EPHA6: variants seen among roughly 807,000 people sequenced by gnomAD.
The protein encoded by EPHA6 is EPH receptor A6.
EPHA6 carries 50 observed loss-of-function variants against 112.0 expected under a neutral mutation model. The ratio of observed to expected loss-of-function variants is 0.45; its 90% CI spans 0.36 to 0.56. The LOEUF (loss-of-function observed/expected upper bound fraction) is 0.56, where lower values mean the gene tolerates loss of function less well. EPHA6 is among the 20% of genes least tolerant of loss of function. EPHA6 has a pLI of 0.00. For synonymous variants in EPHA6, 529 were observed against 490.7 expected, an observed-to-expected ratio of 1.08 and a Z score of -1.03; for missense variants, 1,280 against 1,417.4, an observed-to-expected ratio of 0.90 and a Z score of 1.56.
intron 7 of EPHA6, among the ~76,000 whole-genome samples, chr3:97,463,365 C>G (rs143493088): frequency 2.3e-4 from 35 of 152,168 alleles, no homozygotes; most frequent in Non-Finnish European, 4.0e-4. Context: ...ATCTGCATTT[C>G]TCTTCTTCCT....
intron 10 of EPHA6, among the ~76,000 whole-genome samples, chr3:97,493,893 G>A (rs948790600): frequency 6.6e-6 from 1 of 152,092 alleles, no homozygotes; most frequent in Non-Finnish European, 1.5e-5. Flanking sequence ...ACAGAGAGAG[G>A]AGCAATAGGT....
At chr3:97,020,528 G>A (rs2044419956) in intron 3 of EPHA6, among the ~76,000 whole-genome samples, 2 of 152,152 alleles carry the variant, frequency 1.3e-5, no homozygotes, top group Non-Finnish European at 1.5e-5. Flanking sequence ...GAGAGACAGA[G>A]CTATAGCAAT....
intron 6 of EPHA6, among the ~76,000 whole-genome samples, chr3:97,433,143 GGCCTGTTCTCTACAATTT>G (rs927054000): frequency 6.6e-6 from 1 of 152,124 alleles, no homozygotes; most frequent in Admixed American, 6.5e-5. Context: ...AAACTGGTTT[GGCCTGTTCTCTACAATTT>G]GCCTGTTCTC....
At chr3:97,716,659 T>C (rs948194618) in intron 14 of EPHA6, among the ~76,000 whole-genome samples, 1 of 151,788 alleles carries the variant, frequency 6.6e-6, no homozygotes, top group Admixed American at 6.6e-5. Flanking sequence ...ATGCAGTGCC[T>C]GAAGGACTTC....
At chr3:97,021,916 A>G (rs574559576) in intron 3 of EPHA6, among the ~76,000 whole-genome samples, 2 of 152,258 alleles carry the variant, frequency 1.3e-5, no homozygotes, top group East Asian at 3.9e-4. Flanking sequence ...GTTATTTCTA[A>G]TATCATTTCC....
chr3:96,895,534 T>G (rs1315210454), intron 2 of EPHA6, among the ~76,000 whole-genome samples: 4 of 152,290 alleles, frequency 2.6e-5, no homozygotes, highest in South Asian at 2.1e-4. Flanking sequence ...CAGGAATGTC[T>G]TAGGCCTTCA....
intron 2 of EPHA6, among the ~76,000 whole-genome samples, chr3:96,909,535 AAAGTAT>A (rs1430117560): frequency 1.3e-5 from 2 of 151,942 alleles, no homozygotes; most frequent in Non-Finnish European, 2.9e-5. Context: ...AATAAAAATA[AAAGTAT>A]ATGTCTGGAG....
intron 3 of EPHA6, among the ~76,000 whole-genome samples, chr3:97,080,332 C>G (rs59132063): frequency 0.056 from 8,483 of 151,072 alleles, 741 homozygotes; most frequent in African/African-American, 0.19. Context: ...GATATTGCAG[C>G]CATTTCATAT....
At chr3:97,609,629 A>G (rs2093703340) in intron 12 of EPHA6, among the ~76,000 whole-genome samples, 1 of 151,544 alleles carries the variant, frequency 6.6e-6, no homozygotes, top group African/African-American at 2.4e-5. Flanking sequence ...TATTTAAAAT[A>G]TAGATTCAAA....
At chr3:97,088,135 C>T (rs866583578) in intron 3 of EPHA6, among the ~76,000 whole-genome samples, 11 of 151,884 alleles carry the variant, frequency 7.2e-5, no homozygotes, top group African/African-American at 2.2e-4. Context: ...GAGCCGAGAT[C>T]GTGCCACTAC....
intron 10 of EPHA6, among the ~76,000 whole-genome samples, chr3:97,504,313 G>A (rs1230774149): frequency 6.6e-6 from 1 of 152,168 alleles, no homozygotes; most frequent in Non-Finnish European, 1.5e-5. Context: ...ATAAGTGAGA[G>A]AAGAAAGAGC....
chr3:96,986,753 G>T (rs1290878621), intron 2 of EPHA6, among the ~76,000 whole-genome samples: 4 of 152,100 alleles, frequency 2.6e-5, no homozygotes. Context: ...AGTGTCCAGG[G>T]TATGGGAATG....
At chr3:97,291,143 T>C (rs7644468) in intron 5 of EPHA6, among the ~76,000 whole-genome samples, 1,977 of 152,314 alleles carry the variant, frequency 0.013, 36 homozygotes, top group African/African-American at 0.044. Context: ...CAATGGTCAA[T>C]TGGGAGCATG....
intron 14 of EPHA6, among the ~76,000 whole-genome samples, chr3:97,711,481 C>T (rs1327345485): frequency 1.3e-5 from 2 of 151,880 alleles, no homozygotes; most frequent in Non-Finnish European, 2.9e-5. Context: ...CAGGATACGC[C>T]ATCTGCAAGC....
intron 7 of EPHA6, among the ~76,000 whole-genome samples, chr3:97,456,782 AT>A (rs1309503556): frequency 8.6e-5 from 13 of 151,292 alleles, no homozygotes; most frequent in Non-Finnish European, 8.9e-5. Context: ...TTTGAGATGG[AT>A]TTTTTTTTCT....
chr3:97,411,037 G>A (rs1213320715), intron 6 of EPHA6, among the ~76,000 whole-genome samples: 1 of 151,604 alleles, frequency 6.6e-6, no homozygotes, highest in African/African-American at 2.4e-5. Context: ...TGTTTACAGT[G>A]GAATCAGCAA....
chr3:97,757,057 T>G lies in EPHA6; in HGVS notation c.*8356T>G, dbSNP rs1466578073. The stretch of plus-strand genomic sequence containing the variant: ...GGTATACGTGCTATAGTAACCTCAT[T>G]TTTTAAAAAAATCAGAGGCAAAGCA... On this transcript the variant is annotated 3_prime_UTR_variant, in exon 18 of 18. Coordinates refer to ENST00000389672, the MANE Select transcript of EPHA6 (RefSeq NM_001080448.3). Among the ~76,000 whole-genome samples the G allele has an allele frequency of 6.6e-6, 1 of 151,848 alleles. No individual in the cohort carries two copies. Among genetic ancestry groups the G allele is most frequent in the South Asian group, 2.1e-4 (1 of 4,822 alleles).
intron 2 of EPHA6, among the ~76,000 whole-genome samples, chr3:96,982,172 G>C (rs1244958286): frequency 6.6e-6 from 1 of 152,074 alleles, no homozygotes; most frequent in Non-Finnish European, 1.5e-5. Context: ...GATCTTTCCT[G>C]CTTTCTCTTG....
At position 97,555,344 on chromosome 3, in the gene EPHA6, G is replaced by A. The variant is rs562944613; in HGVS notation, c.2386+22801G>A. On this transcript the variant is annotated intron_variant, in intron 11 of 17. Transcript: ENST00000389672. ...CAGTCTATCATTGTTGGACATTTGG[G>A]TTGGTTCTAAGTCTTTGCTATTGTG... Among the ~76,000 whole-genome samples the A allele has an allele frequency of 2.6e-5, 4 of 152,090 alleles. No homozygotes were observed. In the Middle Eastern group the frequency reaches 0.01, roughly 388 times the overall value.
Sources: allele counts gnomAD v4.1 joint callset (sites outside exome capture counted in the v4.1 genomes callset), GRCh38; gene constraint gnomAD v4.1.1; transcripts MANE v1.5; gene names NCBI Gene and HGNC (gene_info 2026-07-23, HGNC 2026-07-21).